The following LGALS1 variants were observed in gnomAD, a reference collection of about 807,000 sequenced individuals.
LGALS1 encodes the protein galectin 1.
Under a neutral mutation model 14.4 loss-of-function variants are expected in LGALS1, and 14 were observed. That is an observed-to-expected ratio of 0.97 (90% CI 0.64 to 1.52). LGALS1 has a LOEUF of 1.52. LGALS1 is among the 40% of genes most tolerant of loss of function. The pLI, the probability that LGALS1 is intolerant of heterozygous loss-of-function variation, is 0.00. For missense variants in LGALS1, 170 were observed against 181.4 expected (o/e 0.94, Z 0.36); for synonymous variants, 71 against 73.4 (o/e 0.97, Z 0.17).
chr22:37,679,181 T>C (rs9917591), intron 3 of LGALS1, among the ~76,000 whole-genome samples: 63,391 of 146,966 alleles, frequency 0.43, 13,840 homozygotes, highest in African/African-American at 0.52. Context: ...CCTGTAATCC[T>C]GGCACTTTGG....
intron 2 of LGALS1, among the ~76,000 whole-genome samples, chr22:37,678,195 GGGAGGTCACCATCT>G (rs1259167235): frequency 1.3e-5 from 2 of 152,140 alleles, no homozygotes; most frequent in African/African-American, 2.4e-5. Context: ...AAGACAGGAC[GGGAGGTCACCATCT>G]GGAGGGAGTC....
rs988901009 is a variant in LGALS1, at chr22:37,677,062, A to G, written c.86A>G (p.Lys29Arg). The G allele has an allele frequency of 6.2e-7, 1 of 1,613,784 alleles. No individual in the cohort carries two copies. The highest frequency in any genetic ancestry group is 1.3e-5 in the African/African-American group (1 of 74,912). Residue 29 changes from lysine (K) to arginine (R), a missense_variant, in exon 2 of 4, where the codon AAG (lysine) becomes AGG (arginine). Physicochemically the swap from Lys to Arg is conservative, Grantham distance 26. Coordinates refer to ENST00000215909, the MANE Select transcript of LGALS1 (RefSeq NM_002305.4). ...CGAGGCGAGGTGGCTCCTGACGCTAAGAGGTGAGAAGTGAAGTCGGGGTGG... is the reference window on the plus strand; with the variant it reads ...CGAGGCGAGGTGGCTCCTGACGCTAGGAGGTGAGAAGTGAAGTCGGGGTGG... ...RVRGEVAPDA[K>R]SFVLNLGKDS...
At chr22:37,677,413 CCT>C (rs1921473364) in intron 2 of LGALS1, 3 of 312,722 alleles carry the variant, frequency 9.6e-6, no homozygotes, top group South Asian at 6.3e-5. Flanking sequence ...CCGCCTTCCC[CCT>C]GAGTCCCTCC....
intron 1 of LGALS1, 49 bp downstream of exon 1, chr22:37,675,760 G>A (rs924899710): frequency 4.1e-6 from 6 of 1,475,934 alleles, no homozygotes; most frequent in Admixed American, 4.6e-5. Flanking sequence ...GGCAGGAACT[G>A]ATGGCCAGAG....
chr22:37,678,666 A>C lies in LGALS1; in HGVS notation c.261+12A>C. 3 of 842,046 alleles carry C rather than the reference A, an allele frequency of 3.6e-6. No individual in the cohort carries two copies. Among genetic ancestry groups the C allele is most frequent in the African/African-American group, 2.0e-5 (1 of 49,590 alleles). 52.2% of individuals were successfully genotyped at this position (842,046 alleles called of 1,614,324 possible). ...GAAGTGTTGCAGAGGTGGGCTGCAG[A>C]CCGGAACCGGGGACCAGGGACAGGG... On this transcript the variant is annotated intron_variant, in intron 3 of 3. Transcript: ENST00000215909.
chr22:37,678,388 G>C, intron 2 of LGALS1, 95 bp from the exon 3 acceptor site: 1 of 1,380,324 alleles, frequency 7.2e-7, no homozygotes, highest in Non-Finnish European at 1.0e-6. Flanking sequence ...AGTTCTTCCA[G>C]CAAGGTGCGT....
chr22:37,676,041 T>C (rs1601601255), intron 1 of LGALS1: 1 of 256,186 alleles, frequency 3.9e-6, no homozygotes. Flanking sequence ...ACTATCCCTT[T>C]CCCCCTCCTC....
intron 3 of LGALS1, 145 bp downstream of exon 3, chr22:37,678,799 T>C: frequency 1.3e-6 from 1 of 792,772 alleles, no homozygotes; most frequent in Non-Finnish European, 1.9e-6. Context: ...TGTCTGCCCC[T>C]CTTTGAACCT....
intron 2 of LGALS1, 163 bp downstream of exon 2, chr22:37,677,228 C>G: frequency 1.5e-6 from 1 of 672,930 alleles, no homozygotes; most frequent in Non-Finnish European, 2.5e-6. Context: ...AGGGTCTGGG[C>G]GCCCCCACCG....
At chr22:37,677,209 T>G (rs953429380) in intron 2 of LGALS1, 144 bp downstream of exon 2, 11 of 762,988 alleles carry the variant, frequency 1.4e-5, no homozygotes, top group East Asian at 5.5e-5. Flanking sequence ...GGTGACTCAC[T>G]TCCCCCGCAG....
In LGALS1 at chr22:37,679,656, C is replaced by A; in HGVS notation, c.315C>A (p.Tyr105Ter). The A allele has an allele frequency of 6.2e-7, 1 of 1,610,314 alleles. No homozygotes were observed. Residue 105 changes from tyrosine to a stop codon, truncating the protein, a stop_gained, in exon 4 of 4, where the codon TAC becomes TAA. Transcript: ENST00000215909. LOFTEE classifies it high-confidence loss of function. ...ANLTVKLPDG[Y>*]EFKFPNRLNL... ...TGACCGTCAAGCTGCCAGATGGATA[C>A]GAATTCAAGTTCCCCAACCGCCTCA...
intron 3 of LGALS1, 106 bp from the exon 4 acceptor site, chr22:37,679,497 C>T (rs1043794841): frequency 6.4e-5 from 64 of 994,170 alleles, no homozygotes; most frequent in Middle Eastern, 3.6e-4. Flanking sequence ...AATGTACCTC[C>T]GCAGGCTCAG....
rs751191071 is a variant in LGALS1 at position 37,678,574 on chromosome 22, T to C, written c.181T>C (p.Cys61Arg). The change falls in exon 3 of 4, where the codon TGC becomes CGC. Residue 61 changes from cysteine (C) to arginine (R), a missense_variant. Transcript: ENST00000215909. The stretch of plus-strand genomic sequence containing the variant: ...CCACGGCGACGCCAACACCATCGTG[T>C]GCAACAGCAAGGACGGCGGGGCCTG... Reference protein sequence around the residue: ...NAHGDANTIVCNSKDGGAWGT... With the variant: ...NAHGDANTIVRNSKDGGAWGT... 1 of 1,613,528 alleles carries C rather than the reference T, an allele frequency of 6.2e-7. No homozygotes were observed. The highest frequency in any genetic ancestry group is 8.5e-7 in the Non-Finnish European group (1 of 1,180,004).
intron 3 of LGALS1, 138 bp downstream of exon 3, chr22:37,678,792 C>CT: frequency 1.2e-6 from 1 of 850,138 alleles, no homozygotes; most frequent in East Asian, 2.7e-5. Context: ...TGGCCAGTGT[C>CT]TGCCCCTCTT....
intron 1 of LGALS1, 82 bp from the exon 2 acceptor site, chr22:37,676,904 C>G (rs764922094): frequency 5.5e-6 from 8 of 1,442,960 alleles, no homozygotes; most frequent in South Asian, 1.2e-5. Context: ...CAACCCCACT[C>G]CCACCCCCAG....
At chr22:37,676,868 C>T (rs1431167651) in intron 1 of LGALS1, 118 bp from the exon 2 acceptor site, 1 of 955,144 alleles carries the variant, frequency 1.0e-6, no homozygotes, top group Admixed American at 2.0e-5. Flanking sequence ...TTCCCCTTGG[C>T]TTGGTCAGAG....
At position 37,678,522 on chromosome 22, in the gene LGALS1, C is replaced by T. The variant is rs12251; in HGVS notation, c.129C>T (p.Cys43=). 6 of 1,613,534 alleles carry T rather than the reference C, an allele frequency of 3.7e-6. No homozygotes were observed. Among genetic ancestry groups the T allele is most frequent in the Non-Finnish European group, 5.1e-6 (6 of 1,180,050 alleles). The change falls in exon 3 of 4, where the codon TGC becomes TGT. Residue 43 remains cysteine, a synonymous_variant. Transcript: ENST00000215909. ...TGGGCAAAGACAGCAACAACCTGTG[C>T]CTGCACTTCAACCCTCGCTTCAACG... ...LNLGKDSNNL[C]LHFNPRFNAH...
At chr22:37,675,984 A>G (rs184533159) in intron 1 of LGALS1, 64 of 370,216 alleles carry the variant, frequency 1.7e-4, no homozygotes, top group Non-Finnish European at 2.7e-4. Context: ...CAGCTCTCTG[A>G]GAAGTGAGCG....
chr22:37,677,809 C>T (rs1022251455), intron 2 of LGALS1, among the ~76,000 whole-genome samples: 3 of 151,892 alleles, frequency 2.0e-5, no homozygotes, highest in Non-Finnish European at 4.4e-5. Flanking sequence ...TTTTGAGACA[C>T]AGTCTCACCC....
Sources: gnomAD v4.1 joint callset for allele counts (sites outside exome capture counted in the v4.1 genomes callset) on GRCh38, gnomAD v4.1.1 for gene constraint, MANE v1.5 for transcripts, NCBI Gene and HGNC (gene_info 2026-07-23, HGNC 2026-07-21) for gene names.